FANCM: variants seen among roughly 807,000 people sequenced by gnomAD.
FANCM encodes FA complementation group M.
Under a neutral mutation model 199.5 loss-of-function variants are expected in FANCM, and 140 were observed. That is an observed-to-expected ratio of 0.70 (90% CI 0.61 to 0.81). The LOEUF is 0.81. Among genes scored for constraint, FANCM ranks in the 30% least tolerant of loss-of-function variants. The pLI, the probability that FANCM is intolerant of heterozygous loss-of-function variation, is 0.00. For missense variants in FANCM, 2,410 were observed against 2,421.4 expected (o/e 1.00, Z 0.10); for synonymous variants, 840 against 836.8 (o/e 1.00, Z -0.07).
At position 45,173,222 on chromosome 14, in the gene FANCM, T is replaced by C. The variant is rs764384464; in HGVS notation, c.2316+12T>C. On this transcript the variant is annotated intron_variant, in intron 13 of 22. Coordinates refer to ENST00000267430, the MANE Select transcript of FANCM (RefSeq NM_020937.4). Reference sequence around the variant, plus strand: ...TGAGACACGAAGAGGTGGGGTTTTATTGTAACTTTCTCTTGCTGGTATGAT... The same window carrying C: ...TGAGACACGAAGAGGTGGGGTTTTACTGTAACTTTCTCTTGCTGGTATGAT... The C allele has an allele frequency of 2.5e-6, 4 of 1,611,858 alleles. No homozygotes were observed. The highest frequency in any genetic ancestry group is 3.4e-6 in the Non-Finnish European group (4 of 1,178,074).
intron 17 of FANCM, among the ~76,000 whole-genome samples, chr14:45,184,945 T>A (rs1432467408): frequency 6.6e-6 from 1 of 150,908 alleles, no homozygotes; most frequent in Non-Finnish European, 1.5e-5. Context: ...TGCCAATTTT[T>A]TTTTTTTTTT....
intron 20 of FANCM, among the ~76,000 whole-genome samples, chr14:45,194,276 T>A (rs1218526620): frequency 6.7e-6 from 1 of 148,744 alleles, no homozygotes; most frequent in African/African-American, 2.5e-5. Context: ...CACTCCAGCC[T>A]GGGTGACAAG....
At chr14:45,149,054 C>A in intron 4 of FANCM, 59 bp downstream of exon 4, 1 of 1,253,114 alleles carries the variant, frequency 8.0e-7, no homozygotes, top group Non-Finnish European at 1.2e-6. Context: ...TGAATTATTT[C>A]AGCTAACAGG....
At chr14:45,168,202 G>A (rs1888109580) in intron 11 of FANCM, among the ~76,000 whole-genome samples, 1 of 152,006 alleles carries the variant, frequency 6.6e-6, no homozygotes, top group South Asian at 2.1e-4. Context: ...ATTTGTTAAT[G>A]TTCTTTCCCT....
At chr14:45,179,561 CTTTTTTTT>C (rs36031280) in intron 14 of FANCM, among the ~76,000 whole-genome samples, 13 of 95,508 alleles carry the variant, frequency 1.4e-4, no homozygotes, top group South Asian at 3.3e-4. Flanking sequence ...TTCTTTCTTT[CTTTTTTTT>C]TTTTTTTTTT....
rs1382890889 is a variant in FANCM, at chr14:45,175,961, A to G, written c.3207A>G (p.Ile1069Met). The G allele has an allele frequency of 6.2e-7, 1 of 1,613,504 alleles. No homozygotes were observed. The highest frequency in any genetic ancestry group is 2.2e-5 in the East Asian group (1 of 44,846). Reference sequence around the variant, plus strand: ...CTGAAAAAAGTTGCCTTTATGATATACCTAATGATAATATTTCTGATGAGC... The same window carrying G: ...CTGAAAAAAGTTGCCTTTATGATATGCCTAATGATAATATTTCTGATGAGC... Reference protein sequence around the residue: ...YPSEKSCLYDIPNDNISDEPS... With the variant: ...YPSEKSCLYDMPNDNISDEPS... The change falls in exon 14 of 23, where the codon ATA (isoleucine) becomes ATG (methionine). Residue 1069 changes from isoleucine (I) to methionine (M), a missense_variant. Physicochemically the swap from Ile to Met is conservative, Grantham distance 10. Coordinates refer to ENST00000267430, the MANE Select transcript of FANCM (RefSeq NM_020937.4).
chr14:45,170,712 A>T lies in FANCM; in HGVS notation c.2126A>T (p.Gln709Leu). Residue 709 changes from glutamine to leucine, a missense_variant, in exon 12 of 23, where the codon CAG becomes CTG. By Grantham distance (113) the Gln-to-Leu change is moderately radical. Coordinates refer to ENST00000267430, the MANE Select transcript of FANCM (RefSeq NM_020937.4). ...AAAGAGATAACATTGCCTCAAGTTC[A>T]GTTTTCTTCTTTACAAAATGAGGAA... is the stretch of plus-strand genomic sequence containing the variant. Reference protein sequence around the residue: ...EIKEITLPQVQFSSLQNEENK... With the variant: ...EIKEITLPQVLFSSLQNEENK... The T allele has an allele frequency of 6.2e-7, 1 of 1,611,862 alleles. No individual in the cohort carries two copies. Among genetic ancestry groups the T allele is most frequent in the Non-Finnish European group, 8.5e-7 (1 of 1,178,114 alleles).
rs377629457 is a variant in FANCM, at chr14:45,164,320, C to T, written c.1582-39C>T. 16 of 1,476,612 alleles carry T rather than the reference C, an allele frequency of 1.1e-5. No individual in the cohort carries two copies. The African/African-American group carries it at 2.2e-4, about 20-fold the overall frequency. The allele number at this position is 1,476,612 out of a possible 1,614,324, so 91.5% of individuals were successfully genotyped here. ...TATGCTTTGATCTACAGTTCTCTTACATTTGCATGTAGTTATTTTTCAATT... is the reference window on the plus strand; with the variant it reads ...TATGCTTTGATCTACAGTTCTCTTATATTTGCATGTAGTTATTTTTCAATT... On this transcript the variant is annotated intron_variant, in intron 9 of 22. Transcript: ENST00000267430.
intron 9 of FANCM, among the ~76,000 whole-genome samples, 155 bp downstream of exon 9, chr14:45,159,435 TAAC>T (rs1163780819): frequency 3.3e-5 from 5 of 152,254 alleles, no homozygotes; most frequent in African/African-American, 9.6e-5. Flanking sequence ...TGAAAGATGA[TAAC>T]AAATGTTTTA....
intron 2 of FANCM, chr14:45,138,084 G>A (rs1363648763): frequency 6.6e-6 from 1 of 152,152 alleles, no homozygotes; most frequent in Non-Finnish European, 1.5e-5. Flanking sequence ...GATGTGTTGA[G>A]TTTGAGGTGT....
Position 45,148,866 on chromosome 14 carries a change from A to G in FANCM, c.789A>G (p.Leu263=). ...TGCAACAAGTTATTACTAACCTGCT[A>G]ATTGGGCAGATAGAGCTTCGTTCTG... ...KAVQQVITNL[L]IGQIELRSED... The change falls in exon 4 of 23, where the codon CTA becomes CTG. Residue 263 remains leucine (L), a synonymous_variant. Transcript: ENST00000267430. 1 of 1,610,438 alleles carries G rather than the reference A, an allele frequency of 6.2e-7. No individual in the cohort carries two copies. The highest frequency in any genetic ancestry group is 2.2e-5 in the East Asian group (1 of 44,808).
At chr14:45,147,899 C>A (rs545367104) in intron 3 of FANCM, among the ~76,000 whole-genome samples, 8 of 145,930 alleles carry the variant, frequency 5.5e-5, no homozygotes, top group East Asian at 4.0e-4. Context: ...TCCAAACCGC[C>A]CCCCCCCCAA....
intron 9 of FANCM, among the ~76,000 whole-genome samples, chr14:45,161,158 G>A (rs575664770): frequency 6.6e-6 from 1 of 152,212 alleles, no homozygotes; most frequent in East Asian, 1.9e-4. Context: ...GGCACCGTAA[G>A]AACATTATTG....
intron 1 of FANCM, 143 bp from the exon 2 acceptor site, chr14:45,136,926 A>C: frequency 1.4e-6 from 1 of 731,060 alleles, no homozygotes; most frequent in Non-Finnish European, 2.3e-6. Flanking sequence ...CAGAACTTTA[A>C]AATGTAGCAT....
Position 45,192,877 on chromosome 14 carries a change from A to C in FANCM, c.5341-3295A>C, listed in dbSNP as rs559808176. Among the ~76,000 whole-genome samples the C allele has an allele frequency of 5.3e-5, 8 of 152,286 alleles. No individual in the cohort carries two copies. In the South Asian group the frequency reaches 1.7e-3, roughly 32 times the overall value. On this transcript the variant is annotated intron_variant, in intron 20 of 22. Transcript: ENST00000267430. ...TTCAGCTAAAACGTTAGTGAATTGC[A>C]AAAGGCAGTGGACTAGCATGAAAGT...
intron 2 of FANCM, among the ~76,000 whole-genome samples, chr14:45,139,670 T>C (rs1247435150): frequency 1.3e-5 from 2 of 152,348 alleles, no homozygotes; most frequent in South Asian, 2.1e-4. Flanking sequence ...TATTTTTTAA[T>C]GAATACACTT....
rs762187580 is a variant in FANCM at position 45,188,950 on chromosome 14, C to T, written c.4928C>T (p.Thr1643Ile). The T allele has an allele frequency of 1.2e-6, 2 of 1,613,772 alleles. No individual in the cohort carries two copies. Among genetic ancestry groups the T allele is most frequent in the African/African-American group, 1.3e-5 (1 of 74,890 alleles). Residue 1643 changes from threonine to isoleucine, a missense_variant, in exon 20 of 23, where the codon ACT becomes ATT. Thr to Ile is a moderately conservative substitution (Grantham distance 89). Coordinates refer to ENST00000267430, the MANE Select transcript of FANCM (RefSeq NM_020937.4). ...TTTGCAAATAGTAAAAAGTATAAAA[C>T]TCGACGTGCAGTAATGCTAAAAGAA... The part of the protein sequence containing the change: ...DCFANSKKYK[T>I]RRAVMLKEMM...
chr14:45,182,505 G>GT (rs1889133603), intron 16 of FANCM, among the ~76,000 whole-genome samples: 1 of 152,156 alleles, frequency 6.6e-6, no homozygotes, highest in Non-Finnish European at 1.5e-5. Context: ...GAAAGAGATG[G>GT]TAAGTGTTGA....
chr14:45,152,165 A>G (rs1038864493), intron 5 of FANCM, among the ~76,000 whole-genome samples: 1 of 151,536 alleles, frequency 6.6e-6, no homozygotes, highest in Non-Finnish European at 1.5e-5. Flanking sequence ...AGTAGCTGGG[A>G]CTACAGGCAC....
Sources: gnomAD v4.1 joint callset for allele counts (sites outside exome capture counted in the v4.1 genomes callset) on GRCh38, gnomAD v4.1.1 for gene constraint, MANE v1.5 for transcripts, NCBI Gene and HGNC (gene_info 2026-07-23, HGNC 2026-07-21) for gene names.